AOPEP: variants seen among roughly 807,000 people sequenced by gnomAD.
The protein encoded by AOPEP is aminopeptidase O.
AOPEP carries 77 observed loss-of-function variants against 98.1 expected under a neutral mutation model. That is an observed-to-expected ratio of 0.78 (90% CI 0.65 to 0.95). The LOEUF (loss-of-function observed/expected upper bound fraction) is 0.95, where lower values mean the gene tolerates loss of function less well. AOPEP is among the 40% of genes least tolerant of loss of function. AOPEP has a pLI of 0.00. For missense variants in AOPEP, 1,024 were observed against 1,024.7 expected (o/e 1.00, Z 0.01); for synonymous variants, 346 against 365.3 (o/e 0.95, Z 0.60).
intron 3 of AOPEP, among the ~76,000 whole-genome samples, chr9:94,775,858 C>T (rs1256224254): frequency 2.6e-5 from 4 of 151,926 alleles, no homozygotes; most frequent in East Asian, 2.0e-4. Context: ...TGGTGGCGGG[C>T]GCCTGTAATC....
chr9:94,858,775 T>A (rs559489056), intron 5 of AOPEP, among the ~76,000 whole-genome samples: 13 of 152,072 alleles, frequency 8.5e-5, no homozygotes, highest in African/African-American at 3.1e-4. Flanking sequence ...GAGGCTGGGC[T>A]CGGTGGCTTA....
chr9:95,014,782 T>C (rs1226333475), intron 13 of AOPEP, among the ~76,000 whole-genome samples: 1 of 152,210 alleles, frequency 6.6e-6, no homozygotes, highest in African/African-American at 2.4e-5. Flanking sequence ...TTTACATGAT[T>C]TCAGTTTATA....
intron 13 of AOPEP, among the ~76,000 whole-genome samples, chr9:95,012,633 T>C (rs1192696192): frequency 6.6e-6 from 1 of 152,168 alleles, no homozygotes; most frequent in African/African-American, 2.4e-5. Context: ...CCTGCCATTG[T>C]TTCCATTCAT....
chr9:95,113,790 T>C, the AOPEP span: 1 of 151,226 alleles, frequency 6.6e-6, no homozygotes, highest in African/African-American at 2.4e-5. Context: ...GCCCGGCTAA[T>C]TTTTTGTATT....
chr9:94,955,841 CTATA>C (rs1158830605), intron 8 of AOPEP, 63 bp from the exon 9 acceptor site: 3 of 1,110,252 alleles, frequency 2.7e-6, no homozygotes, highest in Non-Finnish European at 4.0e-6. Context: ...GTAGGGCTGA[CTATA>C]TAACCATTTT....
chr9:95,011,607 C>T (rs756232142), intron 13 of AOPEP, among the ~76,000 whole-genome samples: 1 of 151,918 alleles, frequency 6.6e-6, no homozygotes, highest in African/African-American at 2.4e-5. Context: ...ACCAGGAGTT[C>T]GAGACAGCTT....
At chr9:94,912,497 AAAAGATGACC>A (rs2052203023) in intron 5 of AOPEP, among the ~76,000 whole-genome samples, 2 of 152,170 alleles carry the variant, frequency 1.3e-5, no homozygotes, top group Non-Finnish European at 2.9e-5. Flanking sequence ...TTTGCGTTCT[AAAAGATGACC>A]TAAGTGATGA....
At chr9:94,823,741 CAG>C (rs1853808282) in intron 5 of AOPEP, among the ~76,000 whole-genome samples, 2 of 152,160 alleles carry the variant, frequency 1.3e-5, no homozygotes, top group Admixed American at 1.3e-4. Context: ...GAGAATTCGT[CAG>C]AGTTTTACAA....
At chr9:95,147,186 A>C in the AOPEP span, among the ~76,000 whole-genome samples, 3 of 152,170 alleles carry the variant, frequency 2.0e-5, no homozygotes, top group Admixed American at 6.5e-5. Context: ...ATGAGGATTA[A>C]AAGATTCAAT....
At chr9:94,853,140 A>G (rs750587462) in intron 5 of AOPEP, among the ~76,000 whole-genome samples, 9 of 152,226 alleles carry the variant, frequency 5.9e-5, no homozygotes, top group Non-Finnish European at 1.0e-4. Flanking sequence ...AAAGGAAAAA[A>G]TAATTATTAC....
At chr9:94,737,699 T>G (rs1220173944) in intron 1 of AOPEP, among the ~76,000 whole-genome samples, 1 of 152,218 alleles carries the variant, frequency 6.6e-6, no homozygotes, top group Non-Finnish European at 1.5e-5. Context: ...CTTCTTAAAA[T>G]ATAAGACTGC....
At chr9:94,764,855 A>G (rs1235311474) in intron 2 of AOPEP, among the ~76,000 whole-genome samples, 1 of 151,878 alleles carries the variant, frequency 6.6e-6, no homozygotes, top group Non-Finnish European at 1.5e-5. Context: ...TATCTTTGTG[A>G]TTTTTATTTT....
rs2070672378 is a variant in AOPEP, at chr9:95,086,208, G to C, written c.*5-474G>C. ...CTGCGTCCACCCCGGCCCGGCGGCA[G>C]CACGGTGCCAGTCATCTGCATGTGC... On this transcript the variant is annotated intron_variant, in intron 16 of 16. Coordinates refer to ENST00000375315, the MANE Select transcript of AOPEP (RefSeq NM_001193329.3). 3.9e-6 allele frequency: 5 copies of C among 1,287,198 alleles called. No individual in the cohort carries two copies. In the African/African-American group the frequency reaches 7.6e-5, roughly 20 times the overall value. The allele number at this position is 1,287,198 out of a possible 1,614,324, so 79.7% of individuals were successfully genotyped here.
chr9:95,046,170 C>A lies in AOPEP; in HGVS notation c.2116-14524C>A, dbSNP rs542054690. The stretch of plus-strand genomic sequence containing the variant: ...GTCGGAATCATTTGATAAGTTAAAT[C>A]TGTGATGTTAGTGAGAACTGCTTAT... On this transcript the variant is annotated intron_variant, in intron 13 of 16. Transcript: ENST00000375315. Among the ~76,000 whole-genome samples, 10 of 152,330 alleles carry A rather than the reference C, an allele frequency of 6.6e-5. No individual in the cohort carries two copies. In the South Asian group the frequency reaches 2.1e-3, roughly 32 times the overall value.
At chr9:94,932,741 C>T (rs1476803702) in intron 7 of AOPEP, 2 of 951,366 alleles carry the variant, frequency 2.1e-6, no homozygotes, top group Non-Finnish European at 2.5e-6. Flanking sequence ...GCTTCGGCCT[C>T]CCAAAGTGCT....
At chr9:94,815,452 A>G (rs1166510326) in intron 5 of AOPEP, among the ~76,000 whole-genome samples, 2 of 152,190 alleles carry the variant, frequency 1.3e-5, no homozygotes, top group Admixed American at 6.5e-5. Context: ...TTGCCATGTC[A>G]AGAGTCACCT....
chr9:94,757,708 A>C (rs1209778753), intron 1 of AOPEP, among the ~76,000 whole-genome samples: 1 of 152,118 alleles, frequency 6.6e-6, no homozygotes, highest in Non-Finnish European at 1.5e-5. Context: ...CACTAAATTG[A>C]CCCTTGTCTC....
At chr9:94,831,525 T>C (rs535620382) in intron 5 of AOPEP, among the ~76,000 whole-genome samples, 24 of 152,314 alleles carry the variant, frequency 1.6e-4, no homozygotes, top group African/African-American at 5.5e-4. Flanking sequence ...TAGGATTGTC[T>C]TGGCTATATA....
At chr9:95,102,147 G>T in the AOPEP span, among the ~76,000 whole-genome samples, 1 of 152,244 alleles carries the variant, frequency 6.6e-6, no homozygotes, top group East Asian at 1.9e-4. Context: ...CTTGCAATCA[G>T]AAGTGCTTCT....
Sources: gnomAD v4.1 joint callset for allele counts (sites outside exome capture counted in the v4.1 genomes callset) on GRCh38, gnomAD v4.1.1 for gene constraint, MANE v1.5 for transcripts, NCBI Gene and HGNC (gene_info 2026-07-23, HGNC 2026-07-21) for gene names.